CAST: variants seen among roughly 807,000 people sequenced by gnomAD.
CAST encodes MIR583 host.
Under a neutral mutation model 119.6 loss-of-function variants are expected in CAST, and 76 were observed. The ratio of observed to expected loss-of-function variants is 0.64; its 90% CI spans 0.53 to 0.77. The LOEUF is 0.77. CAST is among the 30% of genes least tolerant of loss of function. CAST has a pLI of 0.00. For missense variants in CAST, 953 were observed against 946.5 expected (o/e 1.01, Z -0.09); for synonymous variants, 319 against 331.6 (o/e 0.96, Z 0.41).
the CAST span, among the ~76,000 whole-genome samples, chr5:95,986,020 G>C: frequency 6.6e-6 from 1 of 152,136 alleles, no homozygotes; most frequent in Non-Finnish European, 1.5e-5. Context: ...ATCTGCAGCT[G>C]TAGCTCAAAA....
the CAST span, among the ~76,000 whole-genome samples, chr5:96,381,054 T>A: frequency 6.6e-6 from 1 of 152,328 alleles, no homozygotes; most frequent in South Asian, 2.1e-4. Context: ...CATATCTTTG[T>A]GAAGCTGCCT....
chr5:96,569,915 C>T (rs1201316372), intron 1 of CAST, among the ~76,000 whole-genome samples: 3 of 152,196 alleles, frequency 2.0e-5, no homozygotes, highest in East Asian at 3.8e-4. Flanking sequence ...TAACATTGTG[C>T]TTCACCTGTT....
At chr5:96,043,665 C>T in the CAST span, among the ~76,000 whole-genome samples, 1 of 152,144 alleles carries the variant, frequency 6.6e-6, no homozygotes, top group Non-Finnish European at 1.5e-5. Flanking sequence ...TCTTGTGTTT[C>T]TGTAGAAGAA....
chr5:96,726,248 G>A (rs1425809991), intron 4 of CAST, among the ~76,000 whole-genome samples: 4 of 152,054 alleles, frequency 2.6e-5, no homozygotes, highest in African/African-American at 9.7e-5. Context: ...ACTTGTTTTT[G>A]CACAAGTAAT....
the CAST span, among the ~76,000 whole-genome samples, chr5:96,067,465 C>T: frequency 2.0e-5 from 3 of 152,152 alleles, no homozygotes; most frequent in African/African-American, 7.2e-5. Context: ...GACTTTTAAA[C>T]CATTACTAAT....
chr5:96,701,605 G>C (rs1753896238), intron 3 of CAST, among the ~76,000 whole-genome samples: 1 of 152,102 alleles, frequency 6.6e-6, no homozygotes, highest in African/African-American at 2.4e-5. Context: ...AGGAGTTCGA[G>C]ACCAGCCTGG....
Position 96,711,150 on chromosome 5 carries a change from T to G in CAST, c.211-11489T>G, listed in dbSNP as rs111430526. On this transcript the variant is annotated intron_variant, in intron 3 of 31. Coordinates refer to ENST00000675179, the MANE Select transcript of CAST (RefSeq NM_001750.7). ...GTGATCAACACTGATCTCCATATTT[T>G]CAATTAAAATCTTTGTGAAATACCA... is the stretch of plus-strand genomic sequence containing the variant. Among the ~76,000 whole-genome samples, 594 of 152,322 alleles carry G rather than the reference T, an allele frequency of 3.9e-3. 10 individuals are homozygous for G. Among genetic ancestry groups the G allele is most frequent in the South Asian group, 0.033 (159 of 4,822 alleles).
At chr5:96,632,777 A>T (rs954044526) in intron 1 of CAST, among the ~76,000 whole-genome samples, 2 of 151,404 alleles carry the variant, frequency 1.3e-5, no homozygotes, top group African/African-American at 4.9e-5. Context: ...TCGCAGTTCT[A>T]TTCCATTGGT....
the CAST span, among the ~76,000 whole-genome samples, chr5:96,291,732 C>T: frequency 2.5e-4 from 38 of 152,112 alleles, no homozygotes; most frequent in African/African-American, 8.2e-4. Context: ...TCTGCTTAGG[C>T]TTATCACAGT....
chr5:96,365,511 T>A, the CAST span, among the ~76,000 whole-genome samples: 1 of 152,224 alleles, frequency 6.6e-6, no homozygotes, highest in African/African-American at 2.4e-5. Flanking sequence ...GGTGCTCTTG[T>A]ATTGGGTGCA....
the CAST span, among the ~76,000 whole-genome samples, chr5:96,086,840 A>G: frequency 6.6e-6 from 1 of 152,300 alleles, no homozygotes; most frequent in African/African-American, 2.4e-5. Context: ...TTAGTTATCA[A>G]TTTATTTCAA....
chr5:96,701,082 C>T lies in CAST; in HGVS notation c.210+5175C>T, dbSNP rs141776808. Among the ~76,000 whole-genome samples the T allele has an allele frequency of 4.4e-3, 676 of 152,212 alleles. 9 individuals carry two copies. The highest frequency in any genetic ancestry group is 0.016 in the African/African-American group (651 of 41,528). Reference sequence around the variant, plus strand: ...AGCTGGGATTACAGGCAAGCACCACCGCACACAGCTAATGTTTGTATTTTT... The same window carrying T: ...AGCTGGGATTACAGGCAAGCACCACTGCACACAGCTAATGTTTGTATTTTT... On this transcript the variant is annotated intron_variant, in intron 3 of 31. Coordinates refer to ENST00000675179, the MANE Select transcript of CAST (RefSeq NM_001750.7).
intron 1 of CAST, among the ~76,000 whole-genome samples, chr5:96,651,003 G>C (rs887217070): frequency 2.6e-5 from 4 of 152,148 alleles, no homozygotes; most frequent in African/African-American, 9.7e-5. Context: ...TGCTCTCTCA[G>C]AATTGAAGTT....
the CAST span, among the ~76,000 whole-genome samples, chr5:96,316,479 G>A: frequency 2.0e-5 from 3 of 152,208 alleles, no homozygotes; most frequent in African/African-American, 4.8e-5. Context: ...AATAAGATGT[G>A]CAAACCTGGG....
the CAST span, among the ~76,000 whole-genome samples, chr5:96,032,545 A>G: frequency 2.0e-5 from 3 of 152,128 alleles, no homozygotes; most frequent in African/African-American, 7.2e-5. Context: ...AGATAATGCC[A>G]GGCATACAGG....
chr5:96,404,549 C>T, the CAST span, among the ~76,000 whole-genome samples: 1 of 152,168 alleles, frequency 6.6e-6, no homozygotes, highest in Non-Finnish European at 1.5e-5. Context: ...TTTAACACAG[C>T]ATATTGAGTA....
At chr5:96,640,553 A>T (rs990397298) in intron 1 of CAST, among the ~76,000 whole-genome samples, 1 of 152,150 alleles carries the variant, frequency 6.6e-6, no homozygotes, top group Admixed American at 6.5e-5. Context: ...AACAAGGGGG[A>T]CTGAGATTGT....
chr5:96,377,392 CT>C, the CAST span, among the ~76,000 whole-genome samples: 1 of 152,122 alleles, frequency 6.6e-6, no homozygotes, highest in African/African-American at 2.4e-5. Flanking sequence ...GTCCTGAAAG[CT>C]CTTTTCATGG....
At chr5:96,081,441 C>T in the CAST span, among the ~76,000 whole-genome samples, 3 of 152,088 alleles carry the variant, frequency 2.0e-5, no homozygotes, top group African/African-American at 7.2e-5. Context: ...AGGAGGAGCA[C>T]GGAAGTGGGA....
Sources: gnomAD v4.1 joint callset for allele counts (sites outside exome capture counted in the v4.1 genomes callset) on GRCh38, gnomAD v4.1.1 for gene constraint, MANE v1.5 for transcripts, NCBI Gene and HGNC (gene_info 2026-07-23, HGNC 2026-07-21) for gene names.